FRMD4B: variants seen among roughly 807,000 people sequenced by gnomAD.
FRMD4B encodes FERM domain-containing protein 4B.
A neutral mutation model predicts 141.5 loss-of-function variants in FRMD4B; 74 were observed. The ratio of observed to expected loss-of-function variants is 0.52; its 90% CI spans 0.43 to 0.63. The LOEUF is 0.63. Ranked by LOEUF, FRMD4B falls within the 30% of genes least tolerant of loss-of-function variation. The pLI, the probability that FRMD4B is intolerant of heterozygous loss-of-function variation, is 0.00. For missense variants in FRMD4B, 1,366 were observed against 1,253.4 expected, an observed-to-expected ratio of 1.09 and a Z score of -1.36; for synonymous variants, 506 against 467.9, an observed-to-expected ratio of 1.08 and a Z score of -1.05.
chr3:69,232,274 T>C (rs1270273006), intron 7 of FRMD4B, among the ~76,000 whole-genome samples: 1 of 152,156 alleles, frequency 6.6e-6, no homozygotes, highest in African/African-American at 2.4e-5. Flanking sequence ...TGCCCATAAA[T>C]CTACATCACT....
At chr3:69,367,325 C>T (rs1159691652) in intron 1 of FRMD4B, among the ~76,000 whole-genome samples, 1 of 152,180 alleles carries the variant, frequency 6.6e-6, no homozygotes, top group East Asian at 1.9e-4. Flanking sequence ...CATCCACTTA[C>T]ACTTCCCAGA....
At chr3:69,413,875 T>C (rs1704803702) in intron 2 of FRMD4B, among the ~76,000 whole-genome samples, 2 of 152,152 alleles carry the variant, frequency 1.3e-5, no homozygotes. Context: ...TTCTCAGAGA[T>C]GTAAGAAAAA....
chr3:69,392,197 C>T (rs896499896), intron 2 of FRMD4B, among the ~76,000 whole-genome samples: 3 of 152,180 alleles, frequency 2.0e-5, no homozygotes, highest in East Asian at 3.8e-4. Context: ...AAGACTGAGA[C>T]GATCTCTGTC....
Position 69,250,099 on chromosome 3 carries a change from C to T in FRMD4B, c.502G>A (p.Gly168Arg). The T allele has an allele frequency of 1.2e-6, 2 of 1,604,230 alleles. No individual in the cohort carries two copies. Among genetic ancestry groups the T allele is most frequent in the South Asian group, 1.1e-5 (1 of 90,896 alleles). The change falls in exon 6 of 23, where the codon GGG becomes AGG. Residue 168 changes from glycine (G) to arginine (R), a missense_variant and splice_region_variant. Coordinates refer to ENST00000398540, the MANE Select transcript of FRMD4B (RefSeq NM_015123.3). ...FLNAKACVHK[G>R]QIEVESETIF... ...GTTTCGCTCTCTACTTCGATTTGCC[C>T]CTGTTGATGGAAAAGGAAAGCATCA... is the stretch of plus-strand genomic sequence containing the variant.
At chr3:69,264,232 A>G (rs1304798783) in intron 5 of FRMD4B, among the ~76,000 whole-genome samples, 2 of 151,844 alleles carry the variant, frequency 1.3e-5, no homozygotes, top group Non-Finnish European at 2.9e-5. Flanking sequence ...TATTTTCTTT[A>G]TTGTCTGATG....
At chr3:69,515,358 T>C (rs962641289) in intron 1 of FRMD4B, among the ~76,000 whole-genome samples, 9 of 152,240 alleles carry the variant, frequency 5.9e-5, no homozygotes, top group East Asian at 1.9e-4. Context: ...TCAAACCATA[T>C]CACCAGACTA....
At position 69,366,060 on chromosome 3, in the gene FRMD4B, A is replaced by AACACACAC. The variant is rs4063529; in HGVS notation, c.162+19760_162+19767dup. ...ACATGGAAAAACCCCACCTCTACAA[A>AACACACAC]ACACACACACACACACACACACACA... On this transcript the variant is annotated intron_variant, in intron 1 of 22. Coordinates refer to ENST00000398540, the MANE Select transcript of FRMD4B (RefSeq NM_015123.3). 2.3e-3 allele frequency among the ~76,000 whole-genome samples: 297 copies of AACACACAC among 127,186 alleles called. 2 individuals are homozygous for AACACACAC. Among genetic ancestry groups the AACACACAC allele is most frequent in the African/African-American group, 7.2e-3 (226 of 31,484 alleles). 83.4% of individuals were successfully genotyped at this position (127,186 alleles called of 152,430 possible).
intron 1 of FRMD4B, among the ~76,000 whole-genome samples, chr3:69,513,255 T>A (rs1357736359): frequency 6.9e-6 from 1 of 145,554 alleles, no homozygotes; most frequent in Admixed American, 6.6e-5. Context: ...AAAGGGATTA[T>A]AAGAGAATAC....
At chr3:69,359,701 T>A (rs74456265) in intron 1 of FRMD4B, among the ~76,000 whole-genome samples, 1 of 152,202 alleles carries the variant, frequency 6.6e-6, no homozygotes, top group Non-Finnish European at 1.5e-5. Context: ...GAAGCAGGCA[T>A]GATAGGGGTT....
intron 7 of FRMD4B, among the ~76,000 whole-genome samples, chr3:69,245,100 T>C (rs2093413321): frequency 6.6e-6 from 1 of 152,210 alleles, no homozygotes; most frequent in African/African-American, 2.4e-5. Context: ...TATTAATTCA[T>C]TTAATCCTCA....
At chr3:69,534,894 C>T (rs887218168) in intron 1 of FRMD4B, among the ~76,000 whole-genome samples, 20 of 152,304 alleles carry the variant, frequency 1.3e-4, no homozygotes, top group African/African-American at 4.3e-4. Context: ...TGAAAAATGC[C>T]TAGCTTAAAA....
chr3:69,210,796 C>A (rs1421589794), intron 11 of FRMD4B, among the ~76,000 whole-genome samples: 1 of 151,960 alleles, frequency 6.6e-6, no homozygotes, highest in Non-Finnish European at 1.5e-5. Context: ...GGTGGATCAC[C>A]TGAGGTCAGG....
At position 69,311,352 on chromosome 3, in the gene FRMD4B, T is replaced by C; in HGVS notation, c.234A>G (p.Lys78=). Residue 78 remains lysine (K), a synonymous_variant, in exon 3 of 23, where the codon AAA becomes AAG. Transcript: ENST00000398540. ...DRRLELLVQP[K]LLARELLDLV... The stretch of plus-strand genomic sequence containing the variant: ...GGTCCAGCAACTCTCTTGCTAGAAG[T>C]TTGGGCTGTCAAAATAAAAATCTGG... 1 of 1,585,648 alleles carries C rather than the reference T, an allele frequency of 6.3e-7. No individual in the cohort carries two copies.
intron 5 of FRMD4B, among the ~76,000 whole-genome samples, chr3:69,278,698 C>T (rs571331248): frequency 2.0e-5 from 3 of 151,994 alleles, no homozygotes; most frequent in Non-Finnish European, 4.4e-5. Flanking sequence ...GCGATCCTCC[C>T]ACCTCAGCCT....
At chr3:69,219,827 G>A (rs968735499) in intron 9 of FRMD4B, among the ~76,000 whole-genome samples, 1 of 152,120 alleles carries the variant, frequency 6.6e-6, no homozygotes, top group African/African-American at 2.4e-5. Context: ...CTGTCTCCAT[G>A]TGTTCTCATT....
At chr3:69,420,232 G>C (rs186375108) in intron 2 of FRMD4B, among the ~76,000 whole-genome samples, 4 of 142,708 alleles carry the variant, frequency 2.8e-5, no homozygotes, top group Non-Finnish European at 6.0e-5. Flanking sequence ...GGCGTGGCTT[G>C]ATTAAACTGG....
chr3:69,402,578 A>C (rs1208802571), intron 2 of FRMD4B, among the ~76,000 whole-genome samples: 1 of 152,228 alleles, frequency 6.6e-6, no homozygotes, highest in Non-Finnish European at 1.5e-5. Context: ...TTTGTATCCC[A>C]AAACCTAACA....
chr3:69,265,272 AT>A (rs2093554947), intron 5 of FRMD4B, among the ~76,000 whole-genome samples: 6 of 16,192 alleles, frequency 3.7e-4, no homozygotes, highest in African/African-American at 7.8e-4. Context: ...AAAAAAAAAT[AT>A]ATATATATAT....
chr3:69,512,563 T>C (rs1465870352), intron 1 of FRMD4B, among the ~76,000 whole-genome samples: 2 of 152,176 alleles, frequency 1.3e-5, no homozygotes, highest in East Asian at 3.8e-4. Context: ...GGATCCATGA[T>C]GATGGGTGAG....
Sources: gnomAD v4.1 joint callset for allele counts (sites outside exome capture counted in the v4.1 genomes callset) on GRCh38, gnomAD v4.1.1 for gene constraint, MANE v1.5 for transcripts, NCBI Gene and HGNC (gene_info 2026-07-23, HGNC 2026-07-21) for gene names.